The following RNLS variants were observed in gnomAD, a reference collection of about 807,000 sequenced individuals.
RNLS encodes the protein renalase.
A neutral mutation model predicts 39.8 loss-of-function variants in RNLS; 39 were observed. That is an observed-to-expected ratio of 0.98 (90% CI 0.76 to 1.28). RNLS has a LOEUF of 1.28. RNLS is among the 50% of genes most tolerant of loss of function. The probability of loss-of-function intolerance (pLI) is 0.00; values close to 1 mark genes in which losing one functional copy is unlikely to be tolerated. For synonymous variants in RNLS, 147 were observed against 150.7 expected (o/e 0.98, Z 0.18); for missense variants, 410 against 413.3 (o/e 0.99, Z 0.07).
At chr10:88,441,149 G>A (rs991614044) in intron 4 of RNLS, among the ~76,000 whole-genome samples, 2 of 152,130 alleles carry the variant, frequency 1.3e-5, no homozygotes, top group Non-Finnish European at 2.9e-5. Context: ...AAACAGATCA[G>A]GGGAAAATTC....
intron 4 of RNLS, among the ~76,000 whole-genome samples, chr10:88,474,840 C>G (rs190384585): frequency 6.6e-6 from 1 of 152,242 alleles, no homozygotes; most frequent in East Asian, 1.9e-4. Context: ...AGCTCTTAGT[C>G]AAGTTGGCTA....
chr10:88,274,441 T>C (rs1842738638), exon 7 of RNLS: 1 of 153,082 alleles, frequency 6.5e-6, no homozygotes, highest in Non-Finnish European at 1.5e-5. Flanking sequence ...AGTAGAATTA[T>C]GTAATATTAT....
intron 4 of RNLS, among the ~76,000 whole-genome samples, chr10:88,483,680 T>G (rs1242391319): frequency 6.6e-6 from 1 of 152,156 alleles, no homozygotes; most frequent in South Asian, 2.1e-4. Flanking sequence ...CCATTTTTTC[T>G]TGACAATTTC....
chr10:88,546,525 T>C (rs1848321617), intron 4 of RNLS, among the ~76,000 whole-genome samples: 1 of 152,182 alleles, frequency 6.6e-6, no homozygotes, highest in African/African-American at 2.4e-5. Context: ...TTGCCCTTTG[T>C]GCTTATTGCT....
chr10:88,231,253 T>C, the RNLS span, among the ~76,000 whole-genome samples: 7 of 152,032 alleles, frequency 4.6e-5, no homozygotes, highest in South Asian at 2.1e-4. Flanking sequence ...ATATAACTGG[T>C]CTCCTTATAA....
the RNLS span, among the ~76,000 whole-genome samples, chr10:88,223,231 C>T: frequency 6.6e-6 from 1 of 152,336 alleles, no homozygotes; most frequent in East Asian, 1.9e-4. Context: ...TTTTTCTAAA[C>T]ACTATCAAGT....
At chr10:88,377,726 T>A (rs1023249691) in intron 4 of RNLS, among the ~76,000 whole-genome samples, 1 of 152,222 alleles carries the variant, frequency 6.6e-6, no homozygotes, top group African/African-American at 2.4e-5. Context: ...GGTGAATGAA[T>A]GTGAAGGCCT....
chr10:88,329,821 A>AT (rs1564699889), intron 5 of RNLS, among the ~76,000 whole-genome samples: 3 of 151,300 alleles, frequency 2.0e-5, no homozygotes, highest in African/African-American at 4.9e-5. Context: ...AAATTATTTT[A>AT]TTTTTCATTT....
chr10:88,296,777 A>G (rs1300368127), intron 6 of RNLS, among the ~76,000 whole-genome samples: 2 of 152,130 alleles, frequency 1.3e-5, no homozygotes, highest in Non-Finnish European at 2.9e-5. Context: ...AACAGAGAAC[A>G]TTTCCACCAC....
intron 6 of RNLS, among the ~76,000 whole-genome samples, chr10:88,293,960 A>G (rs551167715): frequency 6.6e-6 from 1 of 152,310 alleles, no homozygotes; most frequent in Admixed American, 6.5e-5. Context: ...TCTCTTTTTT[A>G]TACAAATATT....
chr10:88,279,273 A>G (rs1038425925), downstream of RNLS, among the ~76,000 whole-genome samples: 6 of 152,178 alleles, frequency 3.9e-5, no homozygotes, highest in Non-Finnish European at 7.4e-5. Context: ...CTATAGATGT[A>G]GTGACGGCTA....
the RNLS span, among the ~76,000 whole-genome samples, chr10:88,179,816 A>G: frequency 2.4e-4 from 37 of 152,322 alleles, no homozygotes; most frequent in African/African-American, 7.0e-4. Flanking sequence ...AGTATTTGCT[A>G]TGTCTTTTAA....
Position 88,582,231 on chromosome 10 carries a change from G to A in RNLS, c.195C>T (p.Cys65=). The stretch of plus-strand genomic sequence containing the variant: ...GGTGTTTTTTGGCATAATGAGGAGT[G>A]CAGGTGATGTACTGAGCACCCAAGT... ...TADLGAQYIT[C]TPHYAKKHQR... is the part of the protein sequence containing the mutation. The change falls in exon 2 of 7, where the codon TGC becomes TGT. Residue 65 remains cysteine, a synonymous_variant. Coordinates refer to ENST00000331772, the MANE Select transcript of RNLS (RefSeq NM_001031709.3). The A allele has an allele frequency of 6.2e-7, 1 of 1,613,844 alleles. No homozygotes were observed. Among genetic ancestry groups the A allele is most frequent in the Non-Finnish European group, 8.5e-7 (1 of 1,179,882 alleles).
At chr10:88,339,269 C>T (rs767463488) in intron 5 of RNLS, among the ~76,000 whole-genome samples, 1 of 152,150 alleles carries the variant, frequency 6.6e-6, no homozygotes, top group Non-Finnish European at 1.5e-5. Flanking sequence ...TTAAAAGCTA[C>T]AGCTATTTTC....
At chr10:88,274,092 T>C (rs1229584587) in exon 7 of RNLS, 1 of 152,230 alleles carries the variant, frequency 6.6e-6, no homozygotes, top group African/African-American at 2.4e-5. Flanking sequence ...TCTATTTTTC[T>C]GCTAGAGAGA....
At position 88,363,899 on chromosome 10, in the gene RNLS, T is replaced by A. The variant is rs12572530; in HGVS notation, c.527-1174A>T. Reference sequence around the variant, plus strand: ...CTGTTGTGAGGATTATATGAAATAATGCATAGCACAGTGCTTGGCATATAA... The same window carrying A: ...CTGTTGTGAGGATTATATGAAATAAAGCATAGCACAGTGCTTGGCATATAA... On this transcript the variant is annotated intron_variant, in intron 4 of 6. Coordinates refer to ENST00000331772, the MANE Select transcript of RNLS (RefSeq NM_001031709.3). 4.6e-5 allele frequency among the ~76,000 whole-genome samples: 7 copies of A among 152,256 alleles called. No homozygotes were observed. The South Asian group carries it at 1.4e-3, about 32-fold the overall frequency.
chr10:88,509,759 AG>A (rs1371402892), intron 4 of RNLS, among the ~76,000 whole-genome samples: 3 of 152,130 alleles, frequency 2.0e-5, no homozygotes, highest in Non-Finnish European at 4.4e-5. Context: ...AGGCTTAAAT[AG>A]TAACACCTAT....
chr10:88,270,567 T>C (rs1842620817), downstream of RNLS, among the ~76,000 whole-genome samples: 1 of 152,184 alleles, frequency 6.6e-6, no homozygotes, highest in Admixed American at 6.5e-5. Flanking sequence ...TGTTTCCCTC[T>C]GTGAGCAACT....
At position 88,456,392 on chromosome 10, in the gene RNLS, A is replaced by T. The variant is rs115475370; in HGVS notation, c.527-93667T>A. Reference sequence around the variant, plus strand: ...TTTATTTATTTATTCTCACAATGTAATAGAGGGTATATTGTATAGAAGGTA... The same window carrying T: ...TTTATTTATTTATTCTCACAATGTATTAGAGGGTATATTGTATAGAAGGTA... On this transcript the variant is annotated intron_variant, in intron 4 of 6. Transcript: ENST00000331772. Among the ~76,000 whole-genome samples, 1,236 of 151,784 alleles carry T rather than the reference A, an allele frequency of 8.1e-3. 13 individuals carry two copies. The highest frequency in any genetic ancestry group is 0.028 in the African/African-American group (1,174 of 41,404).
Sources: allele counts gnomAD v4.1 joint callset (sites outside exome capture counted in the v4.1 genomes callset), GRCh38; gene constraint gnomAD v4.1.1; transcripts MANE v1.5; gene names NCBI Gene and HGNC (gene_info 2026-07-23, HGNC 2026-07-21).